Variants in KIRREL3 observed in about 807,000 individuals in gnomAD.
KIRREL3 encodes kirre like nephrin family adhesion molecule 3, also known as kin of IRRE-like protein 3.
KIRREL3 carries 36 observed loss-of-function variants against 89.7 expected under a neutral mutation model. The ratio of observed to expected loss-of-function variants is 0.40; its 90% CI spans 0.31 to 0.53. KIRREL3 has a LOEUF of 0.53. KIRREL3 is among the 20% of genes least tolerant of loss of function. The probability of loss-of-function intolerance (pLI) is 0.49; values close to 1 mark genes in which losing one functional copy is unlikely to be tolerated. For synonymous variants in KIRREL3, 445 were observed against 441.4 expected (o/e 1.01, Z -0.10); for missense variants, 864 against 1,056.6 (o/e 0.82, Z 2.53).
At chr11:126,779,923 C>T (rs1950275965) in intron 1 of KIRREL3, among the ~76,000 whole-genome samples, 1 of 152,066 alleles carries the variant, frequency 6.6e-6, no homozygotes, top group African/African-American at 2.4e-5. Context: ...AGAGACAGAG[C>T]TGGCAGGGAA....
rs186617099 is a variant in KIRREL3 at position 126,662,278 on chromosome 11, T to C, written c.56-99366A>G. Among the ~76,000 whole-genome samples, 122 of 152,288 alleles carry C rather than the reference T, an allele frequency of 8.0e-4. 2 individuals are homozygous for C. The highest frequency in any genetic ancestry group is 1.5e-5 in the Non-Finnish European group (1 of 68,022). ...TTACCATAACAATTGTAAATGACTT[T>C]GGGGAGTCTGCCCATTGACCATCAA... is the stretch of plus-strand genomic sequence containing the variant. On this transcript the variant is annotated intron_variant, in intron 1 of 16. Coordinates refer to ENST00000525144, the MANE Select transcript of KIRREL3 (RefSeq NM_032531.4).
At position 126,787,091 on chromosome 11, in the gene KIRREL3, G is replaced by A. The variant is rs1417850418; in HGVS notation, c.55+213364C>T. Among the ~76,000 whole-genome samples the A allele has an allele frequency of 5.3e-5, 8 of 152,088 alleles. No homozygotes were observed. The East Asian group carries it at 1.5e-3, about 29-fold the overall frequency. Reference sequence around the variant, plus strand: ...AATGGCAAGGAAAGGGCCAGCACAAGGGGCCAGTTATGTGATCGGTAGGAG... The same window carrying A: ...AATGGCAAGGAAAGGGCCAGCACAAAGGGCCAGTTATGTGATCGGTAGGAG... On this transcript the variant is annotated intron_variant, in intron 1 of 16. Transcript: ENST00000525144.
At chr11:126,534,339 C>T (rs898801527) in intron 2 of KIRREL3, among the ~76,000 whole-genome samples, 2 of 152,182 alleles carry the variant, frequency 1.3e-5, no homozygotes, top group South Asian at 2.1e-4. Context: ...AACTAGCTTC[C>T]GTTAGTAGAA....
chr11:126,966,358 C>T (rs1002302692), intron 1 of KIRREL3, among the ~76,000 whole-genome samples: 29 of 152,154 alleles, frequency 1.9e-4, no homozygotes, highest in African/African-American at 6.5e-4. Context: ...GAGCAGCATG[C>T]GTCTCCTGGG....
At chr11:126,447,020 G>T (rs549082875) in intron 8 of KIRREL3, 134 bp from the exon 9 acceptor site, 3 of 1,111,650 alleles carry the variant, frequency 2.7e-6, no homozygotes, top group Admixed American at 2.4e-5. Context: ...CACCTCAGTC[G>T]CTTCCATTTT....
At chr11:126,451,285 C>CAT (rs1956122284) in intron 7 of KIRREL3, among the ~76,000 whole-genome samples, 13 of 110,532 alleles carry the variant, frequency 1.2e-4, no homozygotes, top group African/African-American at 3.6e-4. Context: ...TGCATGTGTG[C>CAT]GTGTGTGCAT....
chr11:126,649,350 C>T (rs1287407766), intron 1 of KIRREL3, among the ~76,000 whole-genome samples: 2 of 152,172 alleles, frequency 1.3e-5, no homozygotes, highest in Admixed American at 6.6e-5. Flanking sequence ...ACTCATTTCA[C>T]CATTAACCCA....
intron 1 of KIRREL3, among the ~76,000 whole-genome samples, chr11:126,745,293 T>C (rs1949106927): frequency 6.6e-6 from 1 of 152,116 alleles, no homozygotes; most frequent in African/African-American, 2.4e-5. Flanking sequence ...GTACATGCTA[T>C]AGCAATTCAA....
chr11:126,461,888 C>T (rs1340709371), intron 6 of KIRREL3, among the ~76,000 whole-genome samples: 1 of 152,204 alleles, frequency 6.6e-6, no homozygotes, highest in Non-Finnish European at 1.5e-5. Flanking sequence ...ACACGAATGC[C>T]AGCCTGCAGC....
At chr11:126,933,274 TGGCA>T (rs56685300) in intron 1 of KIRREL3, among the ~76,000 whole-genome samples, 64,830 of 151,602 alleles carry the variant, frequency 0.43, 14,386 homozygotes, top group Middle Eastern at 0.68. Context: ...GTCTTTCTCA[TGGCA>T]GTTTCTTTAT....
chr11:126,913,350 C>T (rs1051544481), intron 1 of KIRREL3, among the ~76,000 whole-genome samples: 2 of 152,232 alleles, frequency 1.3e-5, no homozygotes, highest in Non-Finnish European at 2.9e-5. Flanking sequence ...CATCACTATT[C>T]AGTTCAGAAT....
intron 1 of KIRREL3, among the ~76,000 whole-genome samples, chr11:126,963,111 C>T (rs574311605): frequency 3.3e-5 from 5 of 152,254 alleles, no homozygotes; most frequent in South Asian, 4.1e-4. Context: ...TGCAATATAT[C>T]TGAGGTATTC....
intron 1 of KIRREL3, among the ~76,000 whole-genome samples, chr11:126,692,535 A>G (rs1460820711): frequency 1.0e-5 from 1 of 95,754 alleles, no homozygotes; most frequent in African/African-American, 4.4e-5. Flanking sequence ...ACAGACCAAG[A>G]CTCTGTCTCA....
At chr11:126,504,040 T>C (rs1641525829) in intron 4 of KIRREL3, among the ~76,000 whole-genome samples, 1 of 152,192 alleles carries the variant, frequency 6.6e-6, no homozygotes, top group South Asian at 2.1e-4. Context: ...CTTTAAACTT[T>C]TGGGGACTTA....
intron 5 of KIRREL3, among the ~76,000 whole-genome samples, chr11:126,467,186 G>A (rs950175273): frequency 2.6e-5 from 4 of 152,316 alleles, no homozygotes; most frequent in East Asian, 1.9e-4. Flanking sequence ...GTGACTCTGC[G>A]GGGCCCCAGG....
rs1303428830 is a variant in KIRREL3, at chr11:126,802,095, G to C, written c.55+198360C>G. On this transcript the variant is annotated intron_variant, in intron 1 of 16. Transcript: ENST00000525144. This position sits in a 1 kb window ranked among gnomAD's most constrained non-coding sequence, Gnocchi z 5.2. Reference sequence around the variant, plus strand: ...AACAGTCATTTGTGGCTGTGAGGAAGAATGGCCAGGACAGTAGACATTCAG... The same window carrying C: ...AACAGTCATTTGTGGCTGTGAGGAACAATGGCCAGGACAGTAGACATTCAG... 6.6e-6 allele frequency among the ~76,000 whole-genome samples: 1 copy of C among 152,198 alleles called. No homozygotes were observed. Among genetic ancestry groups the C allele is most frequent in the Admixed American group, 6.5e-5 (1 of 15,282 alleles).
intron 1 of KIRREL3, among the ~76,000 whole-genome samples, chr11:126,952,042 A>G (rs977066806): frequency 5.3e-5 from 8 of 152,252 alleles, no homozygotes; most frequent in Non-Finnish European, 1.0e-4. Context: ...CTGTCTTGGA[A>G]AGGACAGAAA....
At position 126,521,535 on chromosome 11, in the gene KIRREL3, A is replaced by G; in HGVS notation, c.284-71T>C. 1 of 1,397,698 alleles carries G rather than the reference A, an allele frequency of 7.2e-7. No individual in the cohort carries two copies. The highest frequency in any genetic ancestry group is 9.7e-7 in the Non-Finnish European group (1 of 1,033,186). The allele number at this position is 1,397,698 out of a possible 1,614,324, so 86.6% of individuals were successfully genotyped here. On this transcript the variant is annotated intron_variant, in intron 3 of 16. Transcript: ENST00000525144. The surrounding 1 kb of genome is among the most constrained non-coding windows in gnomAD (Gnocchi z 4.1). The stretch of plus-strand genomic sequence containing the variant: ...GGACACCCATGACAAAGAGGCACAG[A>G]ATGGAGGACCCAAGCAGGGGCCATT...
Position 126,620,079 on chromosome 11 carries a change from C to T in KIRREL3, c.56-57167G>A, listed in dbSNP as rs940177088. 6.6e-6 allele frequency among the ~76,000 whole-genome samples: 1 copy of T among 152,230 alleles called. No individual in the cohort carries two copies. The highest frequency in any genetic ancestry group is 2.4e-5 in the African/African-American group (1 of 41,456). Reference sequence around the variant, plus strand: ...TTAAACTCTCTCTCTGCTGCAACTTCCACTGTTTTGCTGTTTGCCCACACA... The same window carrying T: ...TTAAACTCTCTCTCTGCTGCAACTTTCACTGTTTTGCTGTTTGCCCACACA... On this transcript the variant is annotated intron_variant, in intron 1 of 16. Coordinates refer to ENST00000525144, the MANE Select transcript of KIRREL3 (RefSeq NM_032531.4). This position sits in a 1 kb window ranked among gnomAD's most constrained non-coding sequence, Gnocchi z 4.8.
Sources: allele counts gnomAD v4.1 joint callset (sites outside exome capture counted in the v4.1 genomes callset), GRCh38; gene constraint gnomAD v4.1.1; non-coding constraint Gnocchi (gnomAD v3.1); transcripts MANE v1.5; gene names NCBI Gene and HGNC (gene_info 2026-07-23, HGNC 2026-07-21).